The following ERCC6L2 variants were observed in gnomAD, a reference collection of about 807,000 sequenced individuals.
ERCC6L2 encodes the protein ERCC excision repair 6 like 2.
In ERCC6L2, 77 loss-of-function variants were observed where a neutral mutation model predicts 132.0. The observed-to-expected ratio is 0.58, with a 90% confidence interval of 0.49 to 0.71. ERCC6L2 has a LOEUF of 0.71. Ranked by LOEUF, ERCC6L2 falls within the 30% of genes least tolerant of loss-of-function variation. The pLI, the probability that ERCC6L2 is intolerant of heterozygous loss-of-function variation, is 0.00. For missense variants in ERCC6L2, 1,542 were observed against 1,837.6 expected (o/e 0.84, Z 2.94); for synonymous variants, 583 against 632.4 (o/e 0.92, Z 1.17).
Position 95,915,895 on chromosome 9 carries a change from A to C in ERCC6L2, c.950+66A>C, listed in dbSNP as rs536730771. 3 of 1,431,700 alleles carry C rather than the reference A, an allele frequency of 2.1e-6. No homozygotes were observed. In the South Asian group the frequency reaches 4.2e-5, roughly 20 times the overall value. 88.7% of individuals were successfully genotyped at this position (1,431,700 alleles called of 1,614,324 possible). A position where few individuals can be genotyped will look rare whatever the true frequency, so the allele number is the denominator to read the frequency against. ...TCAGCTGAATACGGTCTTGTTTGCT[A>C]ATCATTAGTTTCCAAACAAACGAAA... On this transcript the variant is annotated intron_variant, in intron 5 of 18. Coordinates refer to ENST00000653738, the MANE Select transcript of ERCC6L2 (RefSeq NM_020207.7).
At chr9:95,896,173 A>G (rs1260745582) in intron 2 of ERCC6L2, among the ~76,000 whole-genome samples, 3 of 151,990 alleles carry the variant, frequency 2.0e-5, no homozygotes, top group African/African-American at 7.2e-5. Flanking sequence ...GTACCTGAAA[A>G]CATTCTTTAG....
intron 2 of ERCC6L2, 127 bp from the exon 3 acceptor site, chr9:95,897,722 T>A: frequency 1.0e-6 from 1 of 956,308 alleles, no homozygotes; most frequent in Non-Finnish European, 1.6e-6. Context: ...TAATATTTCA[T>A]GTTCTATTTC....
intron 19 of ERCC6L2, among the ~76,000 whole-genome samples, chr9:96,028,556 T>C (rs988172949): frequency 6.6e-6 from 1 of 152,160 alleles, no homozygotes; most frequent in Non-Finnish European, 1.5e-5. Context: ...TGCCCTTCTG[T>C]CTCAGAGAGG....
intron 12 of ERCC6L2, among the ~76,000 whole-genome samples, chr9:95,950,014 CAAAA>C (rs80349353): frequency 1.5e-5 from 1 of 68,630 alleles, no homozygotes; most frequent in African/African-American, 5.6e-5. Context: ...GACTCCGTCT[CAAAA>C]AAAAAAAAAA....
chr9:96,036,751 A>T (rs1041076696), intron 19 of ERCC6L2, among the ~76,000 whole-genome samples: 7 of 132,462 alleles, frequency 5.3e-5, no homozygotes, highest in African/African-American at 1.9e-4. Flanking sequence ...AATTATTATT[A>T]TTATTATTAT....
At chr9:95,915,207 A>G (rs1317699617) in intron 4 of ERCC6L2, among the ~76,000 whole-genome samples, 1 of 152,200 alleles carries the variant, frequency 6.6e-6, no homozygotes, top group African/African-American at 2.4e-5. Flanking sequence ...AGAGACCACT[A>G]TGGGTGCTCA....
intron 9 of ERCC6L2, among the ~76,000 whole-genome samples, chr9:95,927,338 A>G (rs1830143519): frequency 6.6e-6 from 1 of 152,106 alleles, no homozygotes; most frequent in African/African-American, 2.4e-5. Context: ...CATCTTTCAG[A>G]AGAATTTAGA....
intron 19 of ERCC6L2, among the ~76,000 whole-genome samples, chr9:96,030,372 A>G (rs1009177940): frequency 3.3e-5 from 5 of 152,018 alleles, no homozygotes; most frequent in Non-Finnish European, 5.9e-5. Flanking sequence ...CACTCTTCAC[A>G]ATAAATCTTG....
Position 95,880,871 on chromosome 9 carries a change from A to C in ERCC6L2, c.49A>C (p.Ile17Leu). ...CTTTATTTTCTTTATTCTTGCAGAC[A>C]TATGGCATCCAGGAGAAAGATGTCT... ...QPRAETSGKDIWHPGERCLAP... is the reference protein window; with the variant it reads ...QPRAETSGKDLWHPGERCLAP... The change falls in exon 2 of 19, where the codon ATA becomes CTA. Residue 17 changes from isoleucine to leucine, a missense_variant and splice_region_variant. Coordinates refer to ENST00000653738, the MANE Select transcript of ERCC6L2 (RefSeq NM_020207.7). The C allele has an allele frequency of 6.2e-7, 1 of 1,604,122 alleles. No individual in the cohort carries two copies. The highest frequency in any genetic ancestry group is 1.3e-5 in the African/African-American group (1 of 74,314).
At chr9:95,952,852 A>G (rs1282619476) in intron 12 of ERCC6L2, among the ~76,000 whole-genome samples, 1 of 151,592 alleles carries the variant, frequency 6.6e-6, no homozygotes, top group Non-Finnish European at 1.5e-5. Context: ...AAAAAAAAAA[A>G]GGAAACTACT....
In ERCC6L2 at chr9:95,915,585, A is replaced by G. The variant is rs1014613864; in HGVS notation, c.789-83A>G. The G allele has an allele frequency of 8.0e-6, 11 of 1,375,662 alleles. 1 individual carries two copies. In the Admixed American group the frequency reaches 1.8e-4, roughly 23 times the overall value. 85.2% of individuals were successfully genotyped at this position (1,375,662 alleles called of 1,614,324 possible). A position where few individuals can be genotyped will look rare whatever the true frequency, so the allele number is the denominator to read the frequency against. On this transcript the variant is annotated intron_variant, in intron 4 of 18. Transcript: ENST00000653738. ...AGGAAAAAATAATTCCAAAACTTTG[A>G]TAGAGAAAGCTACTGTCTAAAATTG...
At position 96,017,328 on chromosome 9, in the gene ERCC6L2, C is replaced by T. The variant is rs1834202467; in HGVS notation, c.*4125C>T. 6.6e-6 allele frequency among the ~76,000 whole-genome samples: 1 copy of T among 152,128 alleles called. No individual in the cohort carries two copies. The highest frequency in any genetic ancestry group is 2.1e-4 in the South Asian group (1 of 4,824). The stretch of plus-strand genomic sequence containing the variant: ...GGGCCACCCCAGGAGAGCTATTTTG[C>T]CTCAGGGTCTTGCAGGGTTTCTCTA... On this transcript the variant is annotated 3_prime_UTR_variant, in exon 19 of 19. Coordinates refer to ENST00000653738, the MANE Select transcript of ERCC6L2 (RefSeq NM_020207.7).
rs1227618168 is a variant in ERCC6L2 at position 95,955,850 on chromosome 9, A to G, written c.1848-64A>G. ...ATGATTTTCCATTTTTATGTCCCCA[A>G]GTTACCTCTTCAACCCAAAGTTGCT... On this transcript the variant is annotated intron_variant, in intron 12 of 18. Transcript: ENST00000653738. 8 of 830,098 alleles carry G rather than the reference A, an allele frequency of 9.6e-6. No individual in the cohort carries two copies. In the Admixed American group the frequency reaches 1.6e-4, roughly 17 times the overall value. 51.4% of individuals were successfully genotyped at this position (830,098 alleles called of 1,614,324 possible).
rs200568420 is a variant in ERCC6L2, at chr9:95,897,877, A to G, written c.500A>G (p.His167Arg). ...ATTTCATTTCTGGCTGCAGTTTTGC[A>G]TAAAAAGGGAACTCGTGAGGATATT... Reference protein sequence around the residue: ...QVISFLAAVLHKKGTREDIEN... With the variant: ...QVISFLAAVLRKKGTREDIEN... The change falls in exon 3 of 19, where the codon CAT becomes CGT. Residue 167 changes from histidine (H) to arginine (R), a missense_variant. By Grantham distance (29) the His-to-Arg change is conservative. This residue lies in a region of ERCC6L2 where 945 missense variants were observed against 1,105.2 expected (regional missense o/e 0.86). Transcript: ENST00000653738. 14 of 1,612,800 alleles carry G rather than the reference A, an allele frequency of 8.7e-6. No individual in the cohort carries two copies. Among genetic ancestry groups the G allele is most frequent in the South Asian group, 1.1e-5 (1 of 90,904 alleles).
intron 19 of ERCC6L2, among the ~76,000 whole-genome samples, chr9:96,031,397 G>A (rs1324715872): frequency 1.3e-5 from 2 of 152,186 alleles, no homozygotes; most frequent in Non-Finnish European, 2.9e-5. Context: ...TATACCAAGG[G>A]CACCCACAGG....
At chr9:95,982,870 G>A (rs1832946741) in intron 17 of ERCC6L2, among the ~76,000 whole-genome samples, 2 of 152,116 alleles carry the variant, frequency 1.3e-5, no homozygotes, top group Admixed American at 1.3e-4. Flanking sequence ...GGAGAATCCA[G>A]TTTTTAAACT....
Position 95,914,226 on chromosome 9 carries a change from C to G in ERCC6L2, c.789-1442C>G, listed in dbSNP as rs149173435. 2.6e-5 allele frequency among the ~76,000 whole-genome samples: 4 copies of G among 152,146 alleles called. No homozygotes were observed. The South Asian group carries it at 8.3e-4, about 32-fold the overall frequency. On this transcript the variant is annotated intron_variant, in intron 4 of 18. Coordinates refer to ENST00000653738, the MANE Select transcript of ERCC6L2 (RefSeq NM_020207.7). ...ATTTCATGTTTTAATTTGCAGTTCTCTAATAACTAATGATGCTGAGAATTT... is the reference window on the plus strand; with the variant it reads ...ATTTCATGTTTTAATTTGCAGTTCTGTAATAACTAATGATGCTGAGAATTT...
Position 96,004,710 on chromosome 9 carries a change from T to G in ERCC6L2, c.3674+9T>G. ...CCAAAAGGAATCCGCAGGTATATTG[T>G]CTCTGACAATACTATACTTGAAGAA... On this transcript the variant is annotated intron_variant, in intron 18 of 18. Transcript: ENST00000653738. 1 of 1,323,182 alleles carries G rather than the reference T, an allele frequency of 7.6e-7. No individual in the cohort carries two copies. Among genetic ancestry groups the G allele is most frequent in the Middle Eastern group, 2.1e-4 (1 of 4,720 alleles). 82.0% of individuals were successfully genotyped at this position (1,323,182 alleles called of 1,614,324 possible). A position where few individuals can be genotyped will look rare whatever the true frequency, so the allele number is the denominator to read the frequency against.
chr9:95,959,456 G>T (rs898577777), intron 13 of ERCC6L2, among the ~76,000 whole-genome samples: 2 of 151,730 alleles, frequency 1.3e-5, no homozygotes, highest in Non-Finnish European at 2.9e-5. Flanking sequence ...ATACCATTCA[G>T]GACATAGGCA....
Sources: gnomAD v4.1 joint callset for allele counts (sites outside exome capture counted in the v4.1 genomes callset) on GRCh38, gnomAD v4.1.1 for gene constraint, gnomAD v4.1.1 regional missense constraint, MANE v1.5 for transcripts, NCBI Gene and HGNC (gene_info 2026-07-23, HGNC 2026-07-21) for gene names.